Variants in CLEC4A observed in about 807,000 individuals in gnomAD.
CLEC4A encodes the protein C-type (calcium dependent, carbohydrate-recognition domain) lectin, superfamily member 6.
Under a neutral mutation model 32.7 loss-of-function variants are expected in CLEC4A, and 27 were observed. That is an observed-to-expected ratio of 0.83 (90% confidence interval 0.61 to 1.14). The LOEUF is 1.14. Ranked by LOEUF, CLEC4A falls within the 50% of genes most tolerant of loss-of-function variation. The pLI is 0.00. For synonymous variants in CLEC4A, 89 were observed against 93.7 expected, an observed-to-expected ratio of 0.95 and a Z score of 0.29; for missense variants, 253 against 274.6, an observed-to-expected ratio of 0.92 and a Z score of 0.55.
At chr12:8,112,141 T>A in the CLEC4A span, among the ~76,000 whole-genome samples, 1 of 152,100 alleles carries the variant, frequency 6.6e-6, no homozygotes, top group Non-Finnish European at 1.5e-5. Context: ...TCTAATTTTG[T>A]ATTTTTAGTA....
Position 8,136,789 on chromosome 12 carries a change from A to G in CLEC4A, c.452A>G (p.Asp151Gly), listed in dbSNP as rs754708753. The G allele has an allele frequency of 2.5e-5, 40 of 1,601,702 alleles. No homozygotes were observed. Among genetic ancestry groups the G allele is most frequent in the Non-Finnish European group, 3.3e-5 (39 of 1,169,180 alleles). The change falls in exon 5 of 6, where the codon GAT becomes GGT. Residue 151 changes from aspartate to glycine, a missense_variant and splice_region_variant. Transcript: ENST00000229332. ...LLVINTQEEQ[D>G]FIFQNLQEES... ...TGACTCCTTCTTTTCCCCCCTCAGG[A>G]TTTCATCTTCCAGAATCTGCAAGAA...
intron 3 of CLEC4A, chr12:8,134,771 C>T (rs1324233030): frequency 3.9e-6 from 6 of 1,554,696 alleles, no homozygotes; most frequent in Middle Eastern, 2.0e-4. Flanking sequence ...CAACCCAGCC[C>T]GGCTCCGGCC....
chr12:8,111,923 ATGTGTGTG>A, the CLEC4A span, among the ~76,000 whole-genome samples: 110 of 111,052 alleles, frequency 9.9e-4, no homozygotes, highest in African/African-American at 3.1e-3. Context: ...GAGTGTGTAT[ATGTGTGTG>A]TGTGTGTGTG....
the CLEC4A span, among the ~76,000 whole-genome samples, chr12:8,112,056 C>T: frequency 7.2e-5 from 11 of 152,022 alleles, no homozygotes; most frequent in East Asian, 7.7e-4. Flanking sequence ...TCAGTCTCCG[C>T]CTCCTGGGTT....
intron 3 of CLEC4A, chr12:8,134,015 T>C: frequency 1.2e-6 from 2 of 1,604,932 alleles, no homozygotes; most frequent in Non-Finnish European, 1.7e-6. Flanking sequence ...CTGGCGCCGG[T>C]TACAGAACCA....
intron 2 of CLEC4A, among the ~76,000 whole-genome samples, chr12:8,126,633 CAG>C (rs930098324): frequency 2.6e-5 from 4 of 152,130 alleles, no homozygotes; most frequent in Non-Finnish European, 4.4e-5. Context: ...CTGTGCCAGA[CAG>C]AGAGTCAAGA....
Position 8,129,261 on chromosome 12 carries a change from C to A in CLEC4A, c.200-3C>A, listed in dbSNP as rs776785854. The stretch of plus-strand genomic sequence containing the variant: ...AATAAATGGTCTTTATTCTCTTTTC[C>A]AGTTTTCTTTCAAAAATATTCTCAG... On this transcript the variant is annotated splice_region_variant and splice_polypyrimidine_tract_variant and intron_variant, in intron 2 of 5. Transcript: ENST00000229332. 1 of 1,560,190 alleles carries A rather than the reference C, an allele frequency of 6.4e-7. No individual in the cohort carries two copies. Among genetic ancestry groups the A allele is most frequent in the African/African-American group, 1.4e-5 (1 of 73,188 alleles).
At chr12:8,131,611 C>T (rs1009648453) in intron 3 of CLEC4A, among the ~76,000 whole-genome samples, 1 of 152,150 alleles carries the variant, frequency 6.6e-6, no homozygotes, top group Non-Finnish European at 1.5e-5. Context: ...ATGTAAATCT[C>T]ATCCAAAAGC....
chr12:8,111,582 A>T, the CLEC4A span, among the ~76,000 whole-genome samples: 5 of 152,292 alleles, frequency 3.3e-5, no homozygotes, highest in East Asian at 1.9e-4. Context: ...ATTATTTTTT[A>T]AAAAATTAAT....
At chr12:8,126,958 A>C (rs1309118913) in intron 2 of CLEC4A, among the ~76,000 whole-genome samples, 1 of 152,246 alleles carries the variant, frequency 6.6e-6, no homozygotes, top group East Asian at 1.9e-4. Flanking sequence ...GTATATCATG[A>C]TAAAGAGTTT....
chr12:8,129,317 GT>G lies in CLEC4A; in HGVS notation c.255del (p.His86IlefsTer7). The G allele has an allele frequency of 1.9e-6, 3 of 1,608,284 alleles. No homozygotes were observed. The highest frequency in any genetic ancestry group is 2.5e-6 in the Non-Finnish European group (3 of 1,178,380). On this transcript the variant is annotated frameshift_variant, in exon 3 of 6. Transcript: ENST00000229332. LOFTEE classifies it high-confidence loss of function. ...TGAAAAAAAGACTACAAAAGAGCTG[GT>G]TCATACAACATTGGAGTGTGTGAAA... ...LLEKKTTKEL[V>X]HTTLECVKKN... is the part of the protein sequence containing the mutation.
Position 8,134,564 on chromosome 12 carries a change from C to T in CLEC4A, c.299-1021C>T, listed in dbSNP as rs761088212. On this transcript the variant is annotated intron_variant, in intron 3 of 5. Transcript: ENST00000229332. ...TCTCCACCCCGACTCCTGCTTCGCC[C>T]TCAGGCTGAGAGGTCTCCAAGCCGT... 19 of 1,613,542 alleles carry T rather than the reference C, an allele frequency of 1.2e-5. No homozygotes were observed. In the African/African-American group the frequency reaches 1.3e-4, roughly 11 times the overall value.
At position 8,129,058 on chromosome 12, in the gene CLEC4A, A is replaced by T. The variant is rs1468514181; in HGVS notation, c.200-206A>T. Reference sequence around the variant, plus strand: ...GTGGAGTCCCTTTAGATCCATTATGATGGAACTGTTGTGTCCTCTTCCAAC... The same window carrying T: ...GTGGAGTCCCTTTAGATCCATTATGTTGGAACTGTTGTGTCCTCTTCCAAC... On this transcript the variant is annotated intron_variant, in intron 2 of 5. Transcript: ENST00000229332. Among the ~76,000 whole-genome samples, 3 of 152,122 alleles carry T rather than the reference A, an allele frequency of 2.0e-5. No individual in the cohort carries two copies. In the East Asian group the frequency reaches 5.8e-4, roughly 29 times the overall value.
the CLEC4A span, among the ~76,000 whole-genome samples, chr12:8,115,650 C>A: frequency 6.6e-6 from 1 of 152,036 alleles, no homozygotes; most frequent in African/African-American, 2.4e-5. Context: ...TTATATAGAT[C>A]TGAAGAGTTA....
the CLEC4A span, among the ~76,000 whole-genome samples, chr12:8,114,273 C>G: frequency 6.6e-5 from 10 of 151,822 alleles, no homozygotes; most frequent in Admixed American, 1.3e-4. Flanking sequence ...GAGATGGAGT[C>G]TTGCTCTGTC....
chr12:8,134,972 C>CT, intron 3 of CLEC4A: 1 of 191,278 alleles, frequency 5.2e-6, no homozygotes, highest in Non-Finnish European at 7.3e-6. Context: ...CTTGTTGAAG[C>CT]GTTTTTGTTT....
chr12:8,128,451 C>T (rs989496580), intron 2 of CLEC4A, among the ~76,000 whole-genome samples: 3 of 151,022 alleles, frequency 2.0e-5, no homozygotes, highest in Non-Finnish European at 4.4e-5. Context: ...TGCTCCGTCA[C>T]CCAGGCTGGA....
chr12:8,129,287 C>A lies in CLEC4A; in HGVS notation c.223C>A (p.Leu75Ile). Residue 75 changes from leucine (L) to isoleucine (I), a missense_variant, in exon 3 of 6, where the codon CTT becomes ATT. Coordinates refer to ENST00000229332, the MANE Select transcript of CLEC4A (RefSeq NM_016184.4). The part of the protein sequence containing the change: ...FVIFFQKYSQ[L>I]LEKKTTKELV... ...AGTTTTCTTTCAAAAATATTCTCAG[C>A]TTCTTGAAAAAAAGACTACAAAAGA... is the stretch of plus-strand genomic sequence containing the variant. 6.2e-7 allele frequency: 1 copy of A among 1,602,596 alleles called. No individual in the cohort carries two copies. The highest frequency in any genetic ancestry group is 1.7e-5 in the Admixed American group (1 of 57,680).
intron 2 of CLEC4A, among the ~76,000 whole-genome samples, chr12:8,128,536 G>T (rs894788955): frequency 6.6e-6 from 1 of 151,524 alleles, no homozygotes; most frequent in Admixed American, 6.6e-5. Flanking sequence ...TCAGCTTCCC[G>T]AGTAGCTGGG....
Sources: allele counts gnomAD v4.1 joint callset (sites outside exome capture counted in the v4.1 genomes callset), GRCh38; gene constraint gnomAD v4.1.1; transcripts MANE v1.5; gene names NCBI Gene and HGNC (gene_info 2026-07-23, HGNC 2026-07-21).